ZNF81: variants seen among roughly 807,000 people sequenced by gnomAD.
ZNF81 encodes the protein zinc finger protein 81.
Under a neutral mutation model 32.3 loss-of-function variants are expected in ZNF81, and 5 were observed. The ratio of observed to expected loss-of-function variants is 0.15; its 90% confidence interval spans 0.08 to 0.33. ZNF81 has a LOEUF of 0.33. Ranked by LOEUF, ZNF81 falls within the 10% of genes least tolerant of loss-of-function variation. The pLI, the probability that ZNF81 is intolerant of heterozygous loss-of-function variation, is 1.00. For missense variants in ZNF81, 379 were observed against 479.8 expected, an observed-to-expected ratio of 0.79 and a Z score of 1.96; for synonymous variants, 163 against 166.8, an observed-to-expected ratio of 0.98 and a Z score of 0.17.
chrX:47,923,104 A>G lies in ZNF81; in HGVS notation c.*6472A>G, dbSNP rs1034701655. On this transcript the variant is annotated 3_prime_UTR_variant, in exon 5 of 5. Coordinates refer to ENST00000338637, the MANE Select transcript of ZNF81 (RefSeq NM_007137.5). ...ATTGTATTCTGAGGTTCTGGGGATT[A>G]GGATTTCCACGTATCTTTTTTGCAG... is the stretch of plus-strand genomic sequence containing the variant. 4.5e-5 allele frequency among the ~76,000 whole-genome samples: 5 copies of G among 111,986 alleles called. No individual in the cohort carries two copies. The highest frequency in any genetic ancestry group is 1.3e-4 in the African/African-American group (4 of 30,752).
chrX:47,852,665 C>T (rs1242855066), intron 2 of ZNF81, among the ~76,000 whole-genome samples: 1 of 112,481 alleles, frequency 8.9e-6, no homozygotes, highest in African/African-American at 3.2e-5. Flanking sequence ...CTAGTTCTCT[C>T]GCTATTTCCA....
intron 4 of ZNF81, among the ~76,000 whole-genome samples, chrX:47,898,456 C>G (rs1364336680): frequency 8.9e-6 from 1 of 111,865 alleles, no homozygotes; most frequent in African/African-American, 3.3e-5. Context: ...TTTTAGCAAA[C>G]CCATACTATC....
intron 4 of ZNF81, among the ~76,000 whole-genome samples, chrX:47,898,615 T>C (rs1556887524): frequency 8.9e-6 from 1 of 112,037 alleles, no homozygotes; most frequent in Admixed American, 9.5e-5. Flanking sequence ...AAAAGCCTAC[T>C]GGGATTTTGT....
At chrX:47,914,500 T>G (rs2058749510) in intron 4 of ZNF81, among the ~76,000 whole-genome samples, 1 of 112,299 alleles carries the variant, frequency 8.9e-6, no homozygotes, top group Non-Finnish European at 1.9e-5. Flanking sequence ...TAGTTACTAC[T>G]GTATTATAGT....
At position 47,917,656 on chromosome X, in the gene ZNF81, T is replaced by A. The variant is rs1014447987; in HGVS notation, c.*1024T>A. 5.4e-5 allele frequency: 9 copies of A among 165,233 alleles called. No individual in the cohort carries two copies. The highest frequency in any genetic ancestry group is 2.7e-4 in the African/African-American group (9 of 33,095). 13.6% of individuals were successfully genotyped at this position (165,233 alleles called of 1,213,427 possible). A position where few individuals can be genotyped will look rare whatever the true frequency, so the allele number is the denominator to read the frequency against. On this transcript the variant is annotated 3_prime_UTR_variant, in exon 5 of 5. Transcript: ENST00000338637. Reference sequence around the variant, plus strand: ...CAAGTAGCCTGCCAATTGTCAGAATTGGGAGTGAGGTTTTCCAAGACCTCT... The same window carrying A: ...CAAGTAGCCTGCCAATTGTCAGAATAGGGAGTGAGGTTTTCCAAGACCTCT...
chrX:47,875,233 A>G (rs1330903374), intron 2 of ZNF81, among the ~76,000 whole-genome samples: 1 of 112,282 alleles, frequency 8.9e-6, no homozygotes, highest in East Asian at 2.8e-4. Flanking sequence ...CAATCCTTCC[A>G]AATAATTTTT....
chrX:47,864,647 A>G (rs892116052), intron 2 of ZNF81, among the ~76,000 whole-genome samples: 3 of 112,151 alleles, frequency 2.7e-5, no homozygotes, highest in Non-Finnish European at 5.6e-5. Context: ...CAATGGATGC[A>G]TTGCCATCAC....
chrX:47,840,095 A>G (rs1368510616), intron 1 of ZNF81, among the ~76,000 whole-genome samples: 1 of 103,020 alleles, frequency 9.7e-6, no homozygotes, highest in Admixed American at 1.1e-4. Context: ...CATTTCTAAT[A>G]TTGGTAATTT....
rs1034606700 is a variant in ZNF81, at chrX:47,878,497, C to T, written c.55-9502C>T. ...CTGTATCAGGCATTCCCCTCAATGACATCCCCCGATTGGGGGGAACCTGAG... is the reference window on the plus strand; with the variant it reads ...CTGTATCAGGCATTCCCCTCAATGATATCCCCCGATTGGGGGGAACCTGAG... On this transcript the variant is annotated intron_variant, in intron 2 of 4. Transcript: ENST00000338637. Among the ~76,000 whole-genome samples, 40 of 112,690 alleles carry T rather than the reference C, an allele frequency of 3.5e-4. 1 individual carries two copies. The Middle Eastern group carries it at 0.028, about 78-fold the overall frequency.
intron 2 of ZNF81, among the ~76,000 whole-genome samples, chrX:47,887,132 G>A (rs184762631): frequency 4.5e-5 from 5 of 111,344 alleles, no homozygotes; most frequent in Non-Finnish European, 9.4e-5. Context: ...ACAATTGTCC[G>A]TACATGTGTG....
chrX:47,897,440 A>G (rs782668439), intron 4 of ZNF81, among the ~76,000 whole-genome samples: 7 of 111,782 alleles, frequency 6.3e-5, no homozygotes, highest in African/African-American at 2.3e-4. Flanking sequence ...GTTTTAATAT[A>G]TTTACTGGAT....
intron 4 of ZNF81, among the ~76,000 whole-genome samples, chrX:47,902,702 G>T: frequency 8.9e-6 from 1 of 111,882 alleles, no homozygotes; most frequent in Non-Finnish European, 1.9e-5. Context: ...TATCCCATAA[G>T]TCAAAAAAGA....
At chrX:47,909,714 T>C (rs1300760627) in intron 4 of ZNF81, among the ~76,000 whole-genome samples, 3 of 106,920 alleles carry the variant, frequency 2.8e-5, no homozygotes, top group East Asian at 2.9e-4. Context: ...CCCATTAACT[T>C]GTCATTTAGC....
At chrX:47,875,492 G>A (rs1170556696) in intron 2 of ZNF81, among the ~76,000 whole-genome samples, 1 of 112,317 alleles carries the variant, frequency 8.9e-6, no homozygotes, top group Non-Finnish European at 1.9e-5. Flanking sequence ...AAAGCTAGTG[G>A]TGATCCTGAT....
chrX:47,883,905 T>G (rs1371383783), intron 2 of ZNF81, among the ~76,000 whole-genome samples: 2 of 111,432 alleles, frequency 1.8e-5, no homozygotes, highest in Admixed American at 1.9e-4. Context: ...TTGCTTCTAA[T>G]AAATAGAATA....
intron 4 of ZNF81, among the ~76,000 whole-genome samples, chrX:47,899,312 TGA>T (rs2058690625): frequency 1.8e-5 from 2 of 110,021 alleles, no homozygotes; most frequent in Non-Finnish European, 3.8e-5. Flanking sequence ...AAATCATGAT[TGA>T]GTGTTGAATT....
In ZNF81 at chrX:47,915,766, C is replaced by T; in HGVS notation, c.1120C>T (p.Leu374Phe). The change falls in exon 5 of 5, where the codon CTC (leucine) becomes TTC (phenylalanine). Residue 374 changes from leucine to phenylalanine, a missense_variant. Around this residue, in one of 2 missense-constraint regions of ZNF81, gnomAD observed 277 missense variants for 306.6 expected, o/e 0.90. Coordinates refer to ENST00000338637, the MANE Select transcript of ZNF81 (RefSeq NM_007137.5). ...ATCATTTTTCCAGGTGTCATCTCTACTCAGGCATCAGACAACTCATACTGG... is the reference window on the plus strand; with the variant it reads ...ATCATTTTTCCAGGTGTCATCTCTATTCAGGCATCAGACAACTCATACTGG... ...GKSFFQVSSL[L>F]RHQTTHTGEK... 8.3e-7 allele frequency: 1 copy of T among 1,211,378 alleles called. No individual in the cohort carries two copies. The highest frequency in any genetic ancestry group is 1.8e-5 in the South Asian group (1 of 56,969).
chrX:47,840,237 A>G (rs146049734), intron 1 of ZNF81, among the ~76,000 whole-genome samples: 1,236 of 108,914 alleles, frequency 0.011, 22 homozygotes, highest in African/African-American at 0.039. Context: ...TCCAGATTCA[A>G]TTATGTCCCT....
chrX:47,891,743 G>T (rs2058663072), intron 3 of ZNF81, among the ~76,000 whole-genome samples: 1 of 112,257 alleles, frequency 8.9e-6, no homozygotes, highest in Non-Finnish European at 1.9e-5. Context: ...GGACCATAGT[G>T]GTGTTTGGGT....
Sources: gnomAD v4.1 joint callset for allele counts (sites outside exome capture counted in the v4.1 genomes callset) on GRCh38, gnomAD v4.1.1 for gene constraint, gnomAD v4.1.1 regional missense constraint, MANE v1.5 for transcripts, NCBI Gene and HGNC (gene_info 2026-07-23, HGNC 2026-07-21) for gene names.